Variants in TBL1XR1 observed in about 807,000 individuals in gnomAD.
TBL1XR1 encodes the protein F-box-like/WD repeat-containing protein TBL1XR1.
TBL1XR1 carries 5 observed loss-of-function variants against 66.9 expected under a neutral mutation model. That is an observed-to-expected ratio of 0.07 (90% confidence interval 0.04 to 0.16). TBL1XR1 has a LOEUF of 0.16. TBL1XR1 is among the 10% of genes least tolerant of loss of function. The probability of loss-of-function intolerance (pLI) is 1.00; values close to 1 mark genes in which losing one functional copy is unlikely to be tolerated. For synonymous variants in TBL1XR1, 210 were observed against 206.0 expected (o/e 1.02, Z -0.17); for missense variants, 238 against 623.2 (o/e 0.38, Z 6.58).
intron 2 of TBL1XR1, among the ~76,000 whole-genome samples, chr3:177,078,323 G>A (rs1223950852): frequency 6.6e-6 from 1 of 152,064 alleles, no homozygotes. Flanking sequence ...CTGAGTGCAT[G>A]GTTCACACTT....
At chr3:177,120,576 C>G (rs1333282476) in intron 1 of TBL1XR1, 1 of 152,172 alleles carries the variant, frequency 6.6e-6, no homozygotes, top group East Asian at 1.9e-4. Flanking sequence ...GATATTTTAT[C>G]CAAAGTCAAT....
At chr3:177,134,273 A>G (rs556210064) in intron 1 of TBL1XR1, among the ~76,000 whole-genome samples, 1 of 152,278 alleles carries the variant, frequency 6.6e-6, no homozygotes, top group Admixed American at 6.5e-5. Flanking sequence ...CAAACAAAAA[A>G]CCTGGAGTCA....
intron 3 of TBL1XR1, among the ~76,000 whole-genome samples, chr3:177,056,767 C>T (rs111741176): frequency 7.0e-6 from 1 of 141,914 alleles, no homozygotes; most frequent in Non-Finnish European, 1.5e-5. Flanking sequence ...CTCTCGGTCC[C>T]TTGGCATTTG....
intron 1 of TBL1XR1, among the ~76,000 whole-genome samples, chr3:177,136,060 G>A (rs1312905732): frequency 2.0e-5 from 3 of 152,032 alleles, no homozygotes; most frequent in Non-Finnish European, 4.4e-5. Flanking sequence ...TTTTCAAACT[G>A]CAGGTCACAA....
intron 1 of TBL1XR1, among the ~76,000 whole-genome samples, chr3:177,188,530 A>G (rs1000999223): frequency 2.0e-5 from 3 of 151,928 alleles, no homozygotes; most frequent in African/African-American, 7.3e-5. Flanking sequence ...CTGGGCAACA[A>G]GAGCAAACCT....
intron 1 of TBL1XR1, among the ~76,000 whole-genome samples, chr3:177,164,726 A>G (rs1459019555): frequency 1.3e-5 from 2 of 152,180 alleles, no homozygotes; most frequent in Non-Finnish European, 2.9e-5. Context: ...CACGAACTGA[A>G]AGAATATTGT....
chr3:177,178,498 A>C (rs1734421859), intron 1 of TBL1XR1, among the ~76,000 whole-genome samples: 1 of 152,222 alleles, frequency 6.6e-6, no homozygotes, highest in Non-Finnish European at 1.5e-5. Context: ...ATATTAACAA[A>C]GGCAATGTGA....
At chr3:177,135,235 C>G (rs1728793237) in intron 1 of TBL1XR1, among the ~76,000 whole-genome samples, 1 of 147,712 alleles carries the variant, frequency 6.8e-6, no homozygotes, top group Non-Finnish European at 1.5e-5. Context: ...CTCCTGACCT[C>G]AGGTAATCCA....
intron 12 of TBL1XR1, among the ~76,000 whole-genome samples, chr3:177,034,905 C>CA (rs1438113414): frequency 3.3e-5 from 5 of 150,354 alleles, no homozygotes; most frequent in Admixed American, 2.0e-4. Context: ...TATTTTTGAG[C>CA]AAAAATTCAT....
rs2108496658 is a variant in TBL1XR1, at chr3:177,051,584, G to A, written c.347C>T (p.Ala116Val). 6.2e-7 allele frequency: 1 copy of A among 1,613,520 alleles called. No homozygotes were observed. The change falls in exon 5 of 16, where the codon GCT becomes GTT. Residue 116 changes from alanine (A) to valine (V), a missense_variant. Coordinates refer to ENST00000457928, the MANE Select transcript of TBL1XR1 (RefSeq NM_024665.7). ...QQAAAAAAAA[A>V]AASQQGSAKN... Reference sequence around the variant, plus strand: ...TGCAGATCCTTGTTGGCTGGCTGCAGCTGCGGCAGCTGCAGCAGCTGCTGC... The same window carrying A: ...TGCAGATCCTTGTTGGCTGGCTGCAACTGCGGCAGCTGCAGCAGCTGCTGC...
chr3:177,086,128 G>T (rs957804949), intron 2 of TBL1XR1, among the ~76,000 whole-genome samples: 1 of 150,130 alleles, frequency 6.7e-6, no homozygotes, highest in African/African-American at 2.5e-5. Flanking sequence ...GTCCACACAC[G>T]TAAGTTTTAA....
chr3:177,164,366 T>G (rs1371803251), intron 1 of TBL1XR1, among the ~76,000 whole-genome samples: 2 of 151,690 alleles, frequency 1.3e-5, no homozygotes, highest in African/African-American at 4.9e-5. Flanking sequence ...TTTTTTTTTT[T>G]GAAATGTGGA....
At chr3:177,065,464 A>T (rs772397384) in intron 2 of TBL1XR1, among the ~76,000 whole-genome samples, 9 of 152,230 alleles carry the variant, frequency 5.9e-5, no homozygotes, top group Non-Finnish European at 1.2e-4. Context: ...TATCCACTCC[A>T]GTTTTATCTA....
intron 1 of TBL1XR1, among the ~76,000 whole-genome samples, chr3:177,135,477 G>A (rs537602286): frequency 7.3e-4 from 105 of 144,624 alleles, no homozygotes; most frequent in African/African-American, 1.8e-3. Flanking sequence ...TCCGCCAGCC[G>A]GGTTCACACC....
chr3:177,021,610 T>A lies in TBL1XR1; in HGVS notation c.*3888A>T, dbSNP rs1712374832. 6.6e-6 allele frequency: 1 copy of A among 152,084 alleles called. No individual in the cohort carries two copies. The highest frequency in any genetic ancestry group is 1.5e-5 in the Non-Finnish European group (1 of 67,882). The allele number at this position is 152,084 out of a possible 1,614,324, so 9.4% of individuals were successfully genotyped here. ...ACTTCAGAGCTACTACTGGAAGGAG[T>A]AATTCATAACTTCCCTACCCTCCTT... On this transcript the variant is annotated 3_prime_UTR_variant, in exon 16 of 16. Transcript: ENST00000457928.
chr3:177,117,806 G>A (rs1259137109), intron 1 of TBL1XR1, among the ~76,000 whole-genome samples: 1 of 152,096 alleles, frequency 6.6e-6, no homozygotes, highest in Non-Finnish European at 1.5e-5. Flanking sequence ...AAGTAAAACT[G>A]GCGATTTCTT....
At chr3:177,081,587 A>G (rs1205166319) in intron 2 of TBL1XR1, among the ~76,000 whole-genome samples, 2 of 152,062 alleles carry the variant, frequency 1.3e-5, no homozygotes, top group Admixed American at 6.5e-5. Context: ...TAATCTCTAC[A>G]AAGAGTTTTA....
chr3:177,089,018 C>CT (rs771009452), intron 2 of TBL1XR1, among the ~76,000 whole-genome samples: 7 of 152,192 alleles, frequency 4.6e-5, no homozygotes, highest in Non-Finnish European at 8.8e-5. Flanking sequence ...GTACCACACT[C>CT]TTTCTCGGCA....
intron 3 of TBL1XR1, among the ~76,000 whole-genome samples, 187 bp downstream of exon 3, chr3:177,064,733 G>C (rs375945380): frequency 1.7e-4 from 26 of 150,058 alleles, no homozygotes; most frequent in African/African-American, 6.1e-4. Flanking sequence ...TGCCTTGTTT[G>C]CAACATATTT....
Sources: gnomAD v4.1 joint callset for allele counts (sites outside exome capture counted in the v4.1 genomes callset) on GRCh38, gnomAD v4.1.1 for gene constraint, MANE v1.5 for transcripts, NCBI Gene and HGNC (gene_info 2026-07-23, HGNC 2026-07-21) for gene names.